The following HHAT variants were observed in gnomAD, a reference collection of about 807,000 sequenced individuals.
HHAT encodes the protein protein-cysteine N-palmitoyltransferase HHAT.
A neutral mutation model predicts 70.8 loss-of-function variants in HHAT; 47 were observed. The ratio of observed to expected loss-of-function variants is 0.66; its 90% CI spans 0.53 to 0.85. The LOEUF (loss-of-function observed/expected upper bound fraction) is 0.85. Among genes scored for constraint, HHAT ranks in the 40% least tolerant of loss-of-function variants. The probability of loss-of-function intolerance (pLI) is 0.00; values close to 1 mark genes in which losing one functional copy is unlikely to be tolerated. For synonymous variants in HHAT, 228 were observed against 247.6 expected (o/e 0.92, Z 0.74); for missense variants, 609 against 604.8 (o/e 1.01, Z -0.07).
Position 210,521,802 on chromosome 1 carries a change from CT to C in HHAT, c.1043+8619del, listed in dbSNP as rs545536862. 3.0e-3 allele frequency among the ~76,000 whole-genome samples: 458 copies of C among 152,218 alleles called. 2 individuals carry two copies. Among genetic ancestry groups the C allele is most frequent in the African/African-American group, 0.011 (443 of 41,526 alleles). ...GGTGTCCCCTTAGGACCGTTTAGAC[CT>C]TTTTGGGCTCTGAGCTGCACTGGAA... On this transcript the variant is annotated intron_variant, in intron 9 of 11. Transcript: ENST00000261458.
chr1:210,598,031 T>C (rs913413467), intron 10 of HHAT, among the ~76,000 whole-genome samples: 3 of 151,874 alleles, frequency 2.0e-5, no homozygotes, highest in African/African-American at 7.3e-5. Context: ...AAGGGCTCTT[T>C]TGTCAACAGG....
rs936921672 is a variant in HHAT at position 210,467,565 on chromosome 1, AG to A, written c.1007+2912del. Among the ~76,000 whole-genome samples, 29 of 152,312 alleles carry A rather than the reference AG, an allele frequency of 1.9e-4. 1 individual carries two copies. Among genetic ancestry groups the A allele is most frequent in the African/African-American group, 6.7e-4 (28 of 41,564 alleles). On this transcript the variant is annotated intron_variant, in intron 8 of 11. Coordinates refer to ENST00000261458, the MANE Select transcript of HHAT (RefSeq NM_018194.6). ...AGGGAATGGCTCTCTTCCTAGATTT[AG>A]GTTTGAGACAAATTTAATCATGAGC...
intron 6 of HHAT, among the ~76,000 whole-genome samples, chr1:210,413,006 C>A (rs1489451205): frequency 6.6e-6 from 1 of 152,222 alleles, no homozygotes; most frequent in African/African-American, 2.4e-5. Flanking sequence ...CAATGTGAGG[C>A]AGGACTGGGC....
At position 210,600,506 on chromosome 1, in the gene HHAT, A is replaced by C. The variant is rs554229639; in HGVS notation, c.1245+12407A>C. 1.1e-4 allele frequency among the ~76,000 whole-genome samples: 17 copies of C among 152,320 alleles called. 1 individual carries two copies. The South Asian group carries it at 3.3e-3, about 30-fold the overall frequency. On this transcript the variant is annotated intron_variant, in intron 10 of 11. Coordinates refer to ENST00000261458, the MANE Select transcript of HHAT (RefSeq NM_018194.6). Reference sequence around the variant, plus strand: ...AGTGCACAAAATACATATACAGGAAAGAATGGGGTAAGGAGGAATTAGTCT... The same window carrying C: ...AGTGCACAAAATACATATACAGGAACGAATGGGGTAAGGAGGAATTAGTCT...
chr1:210,353,451 TTTTA>T lies in HHAT; in HGVS notation c.91+4386_91+4389del, dbSNP rs1343642971. Among the ~76,000 whole-genome samples, 53 of 128,292 alleles carry T rather than the reference TTTTA, an allele frequency of 4.1e-4. No individual in the cohort carries two copies. In the South Asian group the frequency reaches 5.4e-3, roughly 13 times the overall value. The allele number at this position is 128,292 out of a possible 152,430, so 84.2% of individuals were successfully genotyped here. A position where few individuals can be genotyped will look rare whatever the true frequency, so the allele number is the denominator to read the frequency against. ...AGTCACCTGTTTTTTTTTTTTTTTT[TTTTA>T]AAAAAAAGCACCTGGGAGGGGAAGT... On this transcript the variant is annotated intron_variant, in intron 2 of 11. Coordinates refer to ENST00000261458, the MANE Select transcript of HHAT (RefSeq NM_018194.6).
In HHAT at chr1:210,646,452, AG is replaced by A. The variant is rs1369870628; in HGVS notation, c.1390+22784del. On this transcript the variant is annotated intron_variant, in intron 11 of 11. Coordinates refer to ENST00000261458, the MANE Select transcript of HHAT (RefSeq NM_018194.6). ...TCTAATCCTTTTAGGCCTAATGAAGAGGCTGTGAACATATCCCTGAGCCCTA... is the reference window on the plus strand; with the variant it reads ...TCTAATCCTTTTAGGCCTAATGAAGAGCTGTGAACATATCCCTGAGCCCTA... 5.3e-5 allele frequency among the ~76,000 whole-genome samples: 8 copies of A among 152,224 alleles called. 1 individual carries two copies. Among genetic ancestry groups the A allele is most frequent in the Admixed American group, 1.3e-4 (2 of 15,288 alleles).
intron 6 of HHAT, among the ~76,000 whole-genome samples, chr1:210,412,250 A>G (rs754591034): frequency 6.6e-6 from 1 of 152,194 alleles, no homozygotes; most frequent in Non-Finnish European, 1.5e-5. Flanking sequence ...TAAACATTCA[A>G]TTAATAATAT....
At chr1:210,596,545 A>G (rs1424281289) in intron 10 of HHAT, among the ~76,000 whole-genome samples, 2 of 151,870 alleles carry the variant, frequency 1.3e-5, no homozygotes, top group African/African-American at 4.8e-5. Context: ...GTATTTTCAT[A>G]TAGCTCATCT....
chr1:210,380,413 C>T (rs1254952196), intron 3 of HHAT, among the ~76,000 whole-genome samples: 1 of 152,080 alleles, frequency 6.6e-6, no homozygotes, highest in African/African-American at 2.4e-5. Context: ...TGGCAGTGTG[C>T]ACCTGTAATT....
chr1:210,493,732 C>T lies in HHAT; in HGVS notation c.1008-19421C>T, dbSNP rs536670692. Among the ~76,000 whole-genome samples the T allele has an allele frequency of 1.2e-4, 18 of 152,168 alleles. 1 individual carries two copies. The highest frequency in any genetic ancestry group is 3.9e-4 in the East Asian group (2 of 5,170). ...GGAGGTTGCCAAAATGATCTAGTGA[C>T]GGGAAACGTCTCAAGGCGGCCCATT... On this transcript the variant is annotated intron_variant, in intron 8 of 11. Coordinates refer to ENST00000261458, the MANE Select transcript of HHAT (RefSeq NM_018194.6).
At chr1:210,596,554 C>T (rs1387505827) in intron 10 of HHAT, among the ~76,000 whole-genome samples, 1 of 151,984 alleles carries the variant, frequency 6.6e-6, no homozygotes, top group East Asian at 1.9e-4. Flanking sequence ...TATAGCTCAT[C>T]TTCAAGTGTG....
chr1:210,478,473 G>A (rs143992759), intron 8 of HHAT, among the ~76,000 whole-genome samples: 2 of 148,046 alleles, frequency 1.4e-5, no homozygotes, highest in African/African-American at 4.8e-5. Context: ...TGTGGTCCTT[G>A]GCTATTGGGA....
At chr1:210,463,700 ACT>A (rs537174788) in intron 7 of HHAT, among the ~76,000 whole-genome samples, 7 of 152,036 alleles carry the variant, frequency 4.6e-5, no homozygotes, top group Admixed American at 6.6e-5. Flanking sequence ...ATCATATGTA[ACT>A]CTGCTTAATC....
intron 10 of HHAT, among the ~76,000 whole-genome samples, chr1:210,593,465 TG>T (rs1275122792): frequency 6.6e-6 from 1 of 152,172 alleles, no homozygotes; most frequent in Non-Finnish European, 1.5e-5. Context: ...TTAATTTCCC[TG>T]TGTTCGTATA....
intron 7 of HHAT, among the ~76,000 whole-genome samples, chr1:210,437,929 T>C (rs1451748118): frequency 2.0e-5 from 3 of 151,854 alleles, no homozygotes; most frequent in African/African-American, 7.3e-5. Flanking sequence ...ACTGTGAGGC[T>C]TTTTCCTTGT....
chr1:210,362,855 A>G lies in HHAT; in HGVS notation c.95A>G (p.His32Arg). Reference protein sequence around the residue: ...FYEVYKVSREHEEELDQEFEL... With the variant: ...FYEVYKVSREREEELDQEFEL... ...AAGACTTTTTTTTTTTGGTCAGAAC[A>G]CGAAGAGGAGCTGGACCAGGAATTT... is the stretch of plus-strand genomic sequence containing the variant. The change falls in exon 3 of 12, where the codon CAC becomes CGC. Residue 32 changes from histidine to arginine, a missense_variant. By Grantham distance (29) the His-to-Arg change is conservative. Coordinates refer to ENST00000261458, the MANE Select transcript of HHAT (RefSeq NM_018194.6). 1 of 1,613,582 alleles carries G rather than the reference A, an allele frequency of 6.2e-7. No individual in the cohort carries two copies. The highest frequency in any genetic ancestry group is 1.1e-5 in the South Asian group (1 of 91,062).
chr1:210,492,666 A>C (rs1476252428), intron 8 of HHAT, among the ~76,000 whole-genome samples: 1 of 152,174 alleles, frequency 6.6e-6, no homozygotes, highest in Non-Finnish European at 1.5e-5. Flanking sequence ...GTGTACACTT[A>C]CTTATTCTGT....
intron 8 of HHAT, among the ~76,000 whole-genome samples, chr1:210,479,262 T>C (rs1436024475): frequency 6.6e-6 from 1 of 152,204 alleles, no homozygotes; most frequent in Non-Finnish European, 1.5e-5. Context: ...GTCCAAATTC[T>C]CTTTGGTCAA....
At chr1:210,467,121 T>C (rs1203797622) in intron 8 of HHAT, among the ~76,000 whole-genome samples, 1 of 152,198 alleles carries the variant, frequency 6.6e-6, no homozygotes, top group African/African-American at 2.4e-5. Flanking sequence ...GGTTTTCCAC[T>C]CCACATTTTT....
Sources: allele counts gnomAD v4.1 joint callset (sites outside exome capture counted in the v4.1 genomes callset), GRCh38; gene constraint gnomAD v4.1.1; transcripts MANE v1.5; gene names NCBI Gene and HGNC (gene_info 2026-07-23, HGNC 2026-07-21).